The following TENM3 variants were observed in gnomAD, a reference collection of about 807,000 sequenced individuals.
TENM3 encodes teneurin-3.
In TENM3, 63 loss-of-function variants were observed where a neutral mutation model predicts 255.1. The observed-to-expected ratio is 0.25, with a 90% CI of 0.20 to 0.30. TENM3 has a LOEUF of 0.30. Among genes scored for constraint, TENM3 ranks in the 10% least tolerant of loss-of-function variants. The probability of loss-of-function intolerance (pLI) is 1.00; values close to 1 mark genes in which losing one functional copy is unlikely to be tolerated. For synonymous variants in TENM3, 1,306 were observed against 1,322.3 expected (o/e 0.99, Z 0.27); for missense variants, 2,929 against 3,461.1 (o/e 0.85, Z 3.86).
At chr4:182,608,600 G>C (rs1425100074) in intron 4 of TENM3, among the ~76,000 whole-genome samples, 2 of 152,196 alleles carry the variant, frequency 1.3e-5, no homozygotes, top group Non-Finnish European at 2.9e-5. Flanking sequence ...AGAGCGCCCT[G>C]CTCGTCCGCT....
At chr4:181,541,988 T>C in the TENM3 span, among the ~76,000 whole-genome samples, 5 of 152,188 alleles carry the variant, frequency 3.3e-5, no homozygotes, top group African/African-American at 1.2e-4. Flanking sequence ...TAAGAATTTA[T>C]TCGACAAGCG....
At chr4:181,934,888 G>GA in the TENM3 span, among the ~76,000 whole-genome samples, 1,353 of 152,102 alleles carry the variant, frequency 8.9e-3, 27 homozygotes, top group African/African-American at 0.031. Flanking sequence ...ATTTTTTAAT[G>GA]AAAAAAATTG....
chr4:181,523,419 TA>T, the TENM3 span, among the ~76,000 whole-genome samples: 2,537 of 144,240 alleles, frequency 0.018, 52 homozygotes, highest in African/African-American at 0.054. Context: ...ATTTTAAAAT[TA>T]AAAAAAAAAA....
At chr4:182,771,732 C>G (rs1764246629) in intron 22 of TENM3, among the ~76,000 whole-genome samples, 1 of 152,142 alleles carries the variant, frequency 6.6e-6, no homozygotes, top group African/African-American at 2.4e-5. Context: ...TCTTCAAGAG[C>G]AGTAATTTCT....
At chr4:182,540,736 C>T (rs916305818) in intron 3 of TENM3, among the ~76,000 whole-genome samples, 3 of 151,938 alleles carry the variant, frequency 2.0e-5, no homozygotes, top group East Asian at 1.9e-4. Context: ...TGAGATAGCT[C>T]GGTGAAAAAA....
intron 19 of TENM3, among the ~76,000 whole-genome samples, chr4:182,747,906 A>T (rs1299354082): frequency 6.6e-6 from 1 of 152,200 alleles, no homozygotes; most frequent in Non-Finnish European, 1.5e-5. Context: ...TTTTACTTTT[A>T]TATGTGAATA....
intron 1 of TENM3, among the ~76,000 whole-genome samples, chr4:182,281,564 G>A (rs751201649): frequency 1.3e-5 from 2 of 151,770 alleles, no homozygotes; most frequent in Admixed American, 1.3e-4. Flanking sequence ...TATATTGCCC[G>A]GGCTGGTCTT....
In TENM3 at chr4:182,177,854, G is replaced by A. The variant is rs528104726; in HGVS notation, c.-76+33100G>A. On this transcript the variant is annotated intron_variant, in intron 1 of 2. Transcript: ENST00000512480. ...TTATTGAAAGTTTTGAAATTCAGATGAGACAACATTTAAATGATTCCTGAG... is the reference window on the plus strand; with the variant it reads ...TTATTGAAAGTTTTGAAATTCAGATAAGACAACATTTAAATGATTCCTGAG... 2.0e-5 allele frequency among the ~76,000 whole-genome samples: 3 copies of A among 151,656 alleles called. No homozygotes were observed. In the East Asian group the frequency reaches 5.8e-4, roughly 29 times the overall value.
chr4:182,021,484 TC>T, the TENM3 span, among the ~76,000 whole-genome samples: 415 of 151,750 alleles, frequency 2.7e-3, no homozygotes, highest in African/African-American at 9.5e-3. Context: ...TTCACTCAAA[TC>T]CCCCCCAGAA....
At chr4:181,503,943 G>T in the TENM3 span, among the ~76,000 whole-genome samples, 1 of 152,188 alleles carries the variant, frequency 6.6e-6, no homozygotes, top group Non-Finnish European at 1.5e-5. Flanking sequence ...AGTGTAGTAT[G>T]CTGTTTATTT....
chr4:181,690,217 T>A, the TENM3 span, among the ~76,000 whole-genome samples: 25 of 143,780 alleles, frequency 1.7e-4, no homozygotes, highest in African/African-American at 5.7e-4. Flanking sequence ...AGAACCAGTA[T>A]GAGGGCACAT....
intron 1 of TENM3, among the ~76,000 whole-genome samples, chr4:182,302,391 T>C (rs2150374652): frequency 1.3e-5 from 2 of 152,336 alleles, no homozygotes; most frequent in East Asian, 3.9e-4. Context: ...TGGGTCACTC[T>C]TTCAGTCATG....
At chr4:181,976,971 G>A in the TENM3 span, among the ~76,000 whole-genome samples, 1 of 152,210 alleles carries the variant, frequency 6.6e-6, no homozygotes, top group African/African-American at 2.4e-5. Context: ...TGTGCTATGT[G>A]ACATACACAT....
the TENM3 span, among the ~76,000 whole-genome samples, chr4:181,671,694 T>G: frequency 6.6e-6 from 1 of 152,276 alleles, no homozygotes; most frequent in South Asian, 2.1e-4. Flanking sequence ...AGTACCCAGT[T>G]AATTGCCTAC....
In TENM3 at chr4:182,800,603, A is replaced by C. The variant is rs868833825; in HGVS notation, c.*252A>C. 4.0e-5 allele frequency: 16 copies of C among 395,806 alleles called. 1 individual carries two copies. The highest frequency in any genetic ancestry group is 3.4e-4 in the African/African-American group (16 of 47,274). The allele number at this position is 395,806 out of a possible 1,614,324, so 24.5% of individuals were successfully genotyped here. A position where few individuals can be genotyped will look rare whatever the true frequency, so the allele number is the denominator to read the frequency against. On this transcript the variant is annotated 3_prime_UTR_variant, in exon 28 of 28. Transcript: ENST00000511685. ...GACTGAACGTAGCCAGAGGAAAAAA[A>C]AATCATCAAGGACAAAGGCCTCGAC...
chr4:182,732,655 G>A (rs952167557), intron 16 of TENM3, among the ~76,000 whole-genome samples: 2 of 152,132 alleles, frequency 1.3e-5, no homozygotes, highest in African/African-American at 2.4e-5. Context: ...ACAAAACCCT[G>A]TCTCTACAAA....
chr4:181,623,486 A>G, the TENM3 span, among the ~76,000 whole-genome samples: 1 of 152,236 alleles, frequency 6.6e-6, no homozygotes, highest in Non-Finnish European at 1.5e-5. Flanking sequence ...TGAACAATCA[A>G]GTATTTATTC....
intron 5 of TENM3, chr4:182,631,655 A>G (rs1751386518): frequency 6.6e-6 from 1 of 152,240 alleles, no homozygotes; most frequent in African/African-American, 2.4e-5. Flanking sequence ...TCAATGAGGA[A>G]GACCAATGTC....
the TENM3 span, among the ~76,000 whole-genome samples, chr4:181,651,229 T>C: frequency 6.6e-6 from 1 of 152,180 alleles, no homozygotes; most frequent in Admixed American, 6.5e-5. Context: ...TAATATAAAT[T>C]AAGTTTTCCA....
Sources: gnomAD v4.1 joint callset for allele counts (sites outside exome capture counted in the v4.1 genomes callset) on GRCh38, gnomAD v4.1.1 for gene constraint, MANE v1.5 for transcripts, NCBI Gene and HGNC (gene_info 2026-07-23, HGNC 2026-07-21) for gene names.